The following MARCHF5 variants were observed in gnomAD, a reference collection of about 807,000 sequenced individuals.
MARCHF5 encodes the protein membrane associated ring-CH-type finger 5.
In MARCHF5, 5 loss-of-function variants were observed where a neutral mutation model predicts 36.5. That is an observed-to-expected ratio of 0.14 (90% CI 0.07 to 0.29). MARCHF5 has a LOEUF of 0.29. MARCHF5 is among the 10% of genes least tolerant of loss of function. The probability of loss-of-function intolerance (pLI) is 1.00; values close to 1 mark genes in which losing one functional copy is unlikely to be tolerated. For missense variants in MARCHF5, 179 were observed against 336.3 expected, an observed-to-expected ratio of 0.53 and a Z score of 3.66; for synonymous variants, 103 against 109.9, an observed-to-expected ratio of 0.94 and a Z score of 0.39.
rs1483004185 is a variant in MARCHF5, at chr10:92,332,494, A to G, written c.239-8179A>G. The stretch of plus-strand genomic sequence containing the variant: ...AGAGAAAGAGGTAAAACTCTTTACT[A>G]TCGCATTAGGATTCCCCATCCTTTT... On this transcript the variant is annotated intron_variant, in intron 2 of 5. Transcript: ENST00000358935. Among the ~76,000 whole-genome samples, 5 of 146,808 alleles carry G rather than the reference A, an allele frequency of 3.4e-5. No individual in the cohort carries two copies. In the East Asian group the frequency reaches 1.0e-3, roughly 30 times the overall value.
At chr10:92,293,713 C>T (rs1292432398) in intron 1 of MARCHF5, among the ~76,000 whole-genome samples, 2 of 151,464 alleles carry the variant, frequency 1.3e-5, no homozygotes, top group African/African-American at 4.8e-5. Flanking sequence ...ACCTGGGAGA[C>T]GGAGGTTGCA....
chr10:92,337,404 C>T (rs868659636), intron 2 of MARCHF5, among the ~76,000 whole-genome samples: 2 of 152,052 alleles, frequency 1.3e-5, no homozygotes, highest in Middle Eastern at 6.8e-3. Flanking sequence ...ATCCCAGCCA[C>T]TCAGGAGGCT....
chr10:92,349,210 C>G, intron 3 of MARCHF5, 139 bp from the exon 4 acceptor site: 1 of 652,974 alleles, frequency 1.5e-6, no homozygotes, highest in Non-Finnish European at 2.5e-6. Flanking sequence ...GGACTGATAG[C>G]TTTCCAGCTT....
chr10:92,350,753 C>CT (rs1328337087), intron 5 of MARCHF5, among the ~76,000 whole-genome samples: 2 of 152,168 alleles, frequency 1.3e-5, no homozygotes, highest in Non-Finnish European at 2.9e-5. Flanking sequence ...GTCACGATCC[C>CT]TTTGGCCTTT....
rs755057385 is a variant in MARCHF5 at position 92,349,854 on chromosome 10, A to G, written c.720+17A>G. 5.1e-6 allele frequency: 8 copies of G among 1,582,286 alleles called. No individual in the cohort carries two copies. The highest frequency in any genetic ancestry group is 4.3e-6 in the Non-Finnish European group (5 of 1,156,544). On this transcript the variant is annotated intron_variant, in intron 5 of 5. Coordinates refer to ENST00000358935, the MANE Select transcript of MARCHF5 (RefSeq NM_017824.5). ...ACAATCTTGGTAAGACGGCTTTAAC[A>G]TTACTTATATTACCTTGCAAAAGAG... is the stretch of plus-strand genomic sequence containing the variant.
intron 3 of MARCHF5, among the ~76,000 whole-genome samples, chr10:92,347,515 T>TG (rs758739369): frequency 4.0e-5 from 3 of 75,448 alleles, no homozygotes; most frequent in Non-Finnish European, 8.9e-5. Context: ...GATAGATAGA[T>TG]AGATAGATGA....
At chr10:92,295,695 A>ACC (rs1842942662) in intron 1 of MARCHF5, among the ~76,000 whole-genome samples, 1 of 152,018 alleles carries the variant, frequency 6.6e-6, no homozygotes, top group Non-Finnish European at 1.5e-5. Flanking sequence ...GGCGTGAGCC[A>ACC]CCGTGCCTGG....
At chr10:92,341,780 C>CTTTTTTTTTT (rs71025395) in intron 3 of MARCHF5, among the ~76,000 whole-genome samples, 5 of 77,406 alleles carry the variant, frequency 6.5e-5, no homozygotes, top group African/African-American at 1.4e-4. Flanking sequence ...AGTTTACATC[C>CTTTTTTTTTT]TTTTTTTTTT....
chr10:92,291,365 G>C lies in MARCHF5; in HGVS notation c.-130G>C, dbSNP rs555663308. 14 of 826,584 alleles carry C rather than the reference G, an allele frequency of 1.7e-5. 1 individual carries two copies. The East Asian group carries it at 4.1e-4, about 24-fold the overall frequency. The allele number at this position is 826,584 out of a possible 1,614,324, so 51.2% of individuals were successfully genotyped here. A position where few individuals can be genotyped will look rare whatever the true frequency, so the allele number is the denominator to read the frequency against. On this transcript the variant is annotated 5_prime_UTR_variant, in exon 1 of 6. Coordinates refer to ENST00000358935, the MANE Select transcript of MARCHF5 (RefSeq NM_017824.5). ...CGCCAGGCTAGCGGAGCTGCCCCGG[G>C]AAGCTGGGTGACGGGTTCGCGGCTG...
chr10:92,347,103 G>A (rs1370560011), intron 3 of MARCHF5, among the ~76,000 whole-genome samples: 1 of 152,162 alleles, frequency 6.6e-6, no homozygotes, highest in Non-Finnish European at 1.5e-5. Flanking sequence ...CAGCTACTCA[G>A]GAGGGTGAGG....
rs756782033 is a variant in MARCHF5 at position 92,311,354 on chromosome 10, A to C, written c.238+17A>C. On this transcript the variant is annotated intron_variant, in intron 2 of 5. Coordinates refer to ENST00000358935, the MANE Select transcript of MARCHF5 (RefSeq NM_017824.5). ...CAAAATTGGGTAAGAATATCTTTAA[A>C]AACAACACAGATATAGTTGATGTTA... is the stretch of plus-strand genomic sequence containing the variant. 4.7e-6 allele frequency: 7 copies of C among 1,501,108 alleles called. No homozygotes were observed. In the South Asian group the frequency reaches 8.4e-5, roughly 18 times the overall value. The allele number at this position is 1,501,108 out of a possible 1,614,324, so 93.0% of individuals were successfully genotyped here.
chr10:92,331,968 T>A (rs931593635), intron 2 of MARCHF5, among the ~76,000 whole-genome samples: 1 of 145,996 alleles, frequency 6.8e-6, no homozygotes, highest in Non-Finnish European at 1.5e-5. Flanking sequence ...TATAATCGTA[T>A]ATATATATGT....
At chr10:92,334,409 A>G (rs553278418) in intron 2 of MARCHF5, 2 of 152,300 alleles carry the variant, frequency 1.3e-5, no homozygotes, top group African/African-American at 4.8e-5. Context: ...TGCTCATTAA[A>G]TCATGTTCTG....
intron 1 of MARCHF5, among the ~76,000 whole-genome samples, chr10:92,301,279 G>A (rs1354314654): frequency 6.6e-6 from 1 of 152,178 alleles, no homozygotes; most frequent in Non-Finnish European, 1.5e-5. Flanking sequence ...CCTCTCTGGA[G>A]GAAGCACATT....
intron 2 of MARCHF5, among the ~76,000 whole-genome samples, chr10:92,318,705 C>T (rs1172551596): frequency 2.0e-5 from 3 of 151,456 alleles, no homozygotes; most frequent in African/African-American, 7.3e-5. Context: ...CCAATCTTTT[C>T]TTTTTTTTCT....
chr10:92,348,917 C>T (rs928586726), intron 3 of MARCHF5, among the ~76,000 whole-genome samples: 4 of 152,192 alleles, frequency 2.6e-5, no homozygotes, highest in African/African-American at 4.8e-5. Flanking sequence ...CTCTTGAAGG[C>T]CGGTCCTACC....
At chr10:92,292,867 G>A (rs1466785000) in intron 1 of MARCHF5, among the ~76,000 whole-genome samples, 2 of 152,196 alleles carry the variant, frequency 1.3e-5, no homozygotes, top group Admixed American at 1.3e-4. Flanking sequence ...ATGAACTAAT[G>A]CACAAACTTA....
intron 3 of MARCHF5, among the ~76,000 whole-genome samples, chr10:92,343,694 C>T (rs1269883116): frequency 6.6e-6 from 1 of 152,162 alleles, no homozygotes; most frequent in African/African-American, 2.4e-5. Flanking sequence ...CTCAGCCTCC[C>T]GAGTAGCTGG....
intron 2 of MARCHF5, among the ~76,000 whole-genome samples, chr10:92,321,858 C>T (rs546535207): frequency 1.6e-4 from 24 of 151,984 alleles, no homozygotes; most frequent in African/African-American, 5.8e-4. Flanking sequence ...TAATCCTTTT[C>T]ATTTCTGTAA....
Sources: allele counts gnomAD v4.1 joint callset (sites outside exome capture counted in the v4.1 genomes callset), GRCh38; gene constraint gnomAD v4.1.1; transcripts MANE v1.5; gene names NCBI Gene and HGNC (gene_info 2026-07-23, HGNC 2026-07-21).